Variants in ZFAT observed in about 807,000 individuals in gnomAD.
The protein encoded by ZFAT is zinc finger protein ZFAT.
A neutral mutation model predicts 117.7 loss-of-function variants in ZFAT; 64 were observed. The observed-to-expected ratio is 0.54, with a 90% CI of 0.44 to 0.67. ZFAT has a LOEUF of 0.67. Among genes scored for constraint, ZFAT ranks in the 30% least tolerant of loss-of-function variants. The probability of loss-of-function intolerance (pLI) is 0.00; values close to 1 mark genes in which losing one functional copy is unlikely to be tolerated. For missense variants in ZFAT, 1,433 were observed against 1,584.5 expected, an observed-to-expected ratio of 0.90 and a Z score of 1.62; for synonymous variants, 679 against 615.0, an observed-to-expected ratio of 1.10 and a Z score of -1.54.
intron 1 of ZFAT, among the ~76,000 whole-genome samples, chr8:134,678,560 C>G (rs565688460): frequency 6.6e-6 from 1 of 152,282 alleles, no homozygotes; most frequent in East Asian, 1.9e-4. Flanking sequence ...ACCATTGACT[C>G]TTCACAGAAT....
At chr8:134,717,851 T>C (rs551136347), upstream of ZFAT, among the ~76,000 whole-genome samples, 3 of 151,906 alleles carry the variant, frequency 2.0e-5, no homozygotes, top group Non-Finnish European at 4.4e-5. Context: ...CTTGCCACCA[T>C]GCCCAGCCAA....
At chr8:134,741,787 C>T in the ZFAT span, among the ~76,000 whole-genome samples, 43 of 152,126 alleles carry the variant, frequency 2.8e-4, no homozygotes, top group African/African-American at 9.9e-4. Context: ...TCAGCATCTG[C>T]ACCAAATTTA....
intron 11 of ZFAT, among the ~76,000 whole-genome samples, chr8:134,550,753 G>A (rs1295406564): frequency 6.6e-6 from 1 of 152,148 alleles, no homozygotes; most frequent in Non-Finnish European, 1.5e-5. Context: ...GGCACTAAGA[G>A]GTTTTTAGCA....
At chr8:134,479,608 A>G (rs1028899810) in intron 15 of ZFAT, among the ~76,000 whole-genome samples, 1 of 152,228 alleles carries the variant, frequency 6.6e-6, no homozygotes, top group African/African-American at 2.4e-5. Flanking sequence ...ACAAGAGGAA[A>G]GCAAAGGGGC....
intron 12 of ZFAT, among the ~76,000 whole-genome samples, chr8:134,528,248 T>C (rs1035184548): frequency 1.2e-4 from 19 of 152,226 alleles, no homozygotes; most frequent in African/African-American, 4.3e-4. Context: ...AGCACTCCCT[T>C]CATTTCTTTA....
At chr8:134,489,061 C>G (rs1204726170) in intron 15 of ZFAT, among the ~76,000 whole-genome samples, 4 of 151,402 alleles carry the variant, frequency 2.6e-5, no homozygotes, top group African/African-American at 4.9e-5. Flanking sequence ...GAGAGACCAT[C>G]AGGAACCAGA....
chr8:134,716,295 T>C (rs1586985455), upstream of ZFAT, among the ~76,000 whole-genome samples: 1 of 152,102 alleles, frequency 6.6e-6, no homozygotes, highest in African/African-American at 2.4e-5. Context: ...AATAGGCACA[T>C]TGTAGAAAAT....
intron 8 of ZFAT, among the ~76,000 whole-genome samples, chr8:134,589,858 G>A (rs1356740348): frequency 5.3e-5 from 8 of 152,228 alleles, no homozygotes; most frequent in Non-Finnish European, 7.3e-5. Context: ...TGTGGAATAT[G>A]AGAATACCCG....
intron 13 of ZFAT, among the ~76,000 whole-genome samples, chr8:134,514,490 T>C (rs1013357453): frequency 1.3e-5 from 2 of 152,202 alleles, no homozygotes; most frequent in African/African-American, 2.4e-5. Flanking sequence ...TCATAGCAGC[T>C]GCCATTTTTG....
intron 3 of ZFAT, among the ~76,000 whole-genome samples, chr8:134,621,531 G>A (rs1044446555): frequency 1.8e-4 from 27 of 152,118 alleles, no homozygotes; most frequent in African/African-American, 6.3e-4. Flanking sequence ...AGAAAACAAG[G>A]CCCTTAGCTG....
chr8:134,532,617 C>T (rs1053512406), intron 12 of ZFAT, among the ~76,000 whole-genome samples: 1 of 152,226 alleles, frequency 6.6e-6, no homozygotes, highest in African/African-American at 2.4e-5. Context: ...CTATTTTAGA[C>T]TTCCACTAAG....
chr8:134,831,219 G>C, the ZFAT span, among the ~76,000 whole-genome samples: 1 of 152,154 alleles, frequency 6.6e-6, no homozygotes, highest in Non-Finnish European at 1.5e-5. Context: ...ACCTTGCTTC[G>C]GGGCTTTAGA....
intron 15 of ZFAT, among the ~76,000 whole-genome samples, chr8:134,494,750 A>G (rs1303356967): frequency 6.6e-6 from 1 of 152,260 alleles, no homozygotes; most frequent in Non-Finnish European, 1.5e-5. Flanking sequence ...TATGTTTATC[A>G]TAACAAAACA....
At chr8:134,613,083 A>G (rs896058402) in intron 3 of ZFAT, among the ~76,000 whole-genome samples, 2 of 152,254 alleles carry the variant, frequency 1.3e-5, no homozygotes, top group African/African-American at 2.4e-5. Flanking sequence ...GATGCTATAA[A>G]AAGGTAGAAA....
At chr8:134,775,542 T>C in the ZFAT span, among the ~76,000 whole-genome samples, 37 of 152,304 alleles carry the variant, frequency 2.4e-4, no homozygotes, top group African/African-American at 8.9e-4. Flanking sequence ...AACTTTCGAC[T>C]TTTGTACCTT....
intron 1 of ZFAT, among the ~76,000 whole-genome samples, chr8:134,688,739 G>A (rs1833456747): frequency 6.6e-6 from 1 of 152,112 alleles, no homozygotes; most frequent in South Asian, 2.1e-4. Context: ...TCTCCCTCAG[G>A]GGCCTCAAAT....
Position 134,602,734 on chromosome 8 carries a change from C to T in ZFAT, c.985G>A (p.Asp329Asn), listed in dbSNP as rs182039992. ...CTCAGGCAGGTGAACGAGCAATAGT[C>T]GCAGGCGAACTTCTCTCCAGTGTGC... Reference protein sequence around the residue: ...RKHTGEKFACDYCSFTCLSKG... With the variant: ...RKHTGEKFACNYCSFTCLSKG... Residue 329 changes from aspartate (D) to asparagine (N), a missense_variant, in exon 6 of 16, where the codon GAC becomes AAC. Asp to Asn is a conservative substitution (Grantham distance 23, BLOSUM62 1). Transcript: ENST00000377838. 153 of 1,613,744 alleles carry T rather than the reference C, an allele frequency of 9.5e-5. No homozygotes were observed. The Admixed American group carries it at 2.2e-3, about 23-fold the overall frequency.
At chr8:134,521,506 G>A (rs1820653602) in intron 12 of ZFAT, among the ~76,000 whole-genome samples, 1 of 151,956 alleles carries the variant, frequency 6.6e-6, no homozygotes, top group African/African-American at 2.4e-5. Flanking sequence ...AAATTACCCA[G>A]TAAAGAACAA....
At chr8:134,707,631 G>C (rs1834186748) in intron 1 of ZFAT, among the ~76,000 whole-genome samples, 1 of 152,116 alleles carries the variant, frequency 6.6e-6, no homozygotes, top group Non-Finnish European at 1.5e-5. Context: ...CCTGGTCCTT[G>C]GCTCCAGGTC....
Sources: allele counts gnomAD v4.1 joint callset (sites outside exome capture counted in the v4.1 genomes callset), GRCh38; gene constraint gnomAD v4.1.1; transcripts MANE v1.5; gene names NCBI Gene and HGNC (gene_info 2026-07-23, HGNC 2026-07-21).